The following NUCB2 variants were observed in gnomAD, a reference collection of about 807,000 sequenced individuals.
The protein encoded by NUCB2 is nucleobindin-2.
Under a neutral mutation model 57.9 loss-of-function variants are expected in NUCB2, and 48 were observed. That is an observed-to-expected ratio of 0.83 (90% CI 0.66 to 1.05). The LOEUF (loss-of-function observed/expected upper bound fraction) is 1.05. Among genes scored for constraint, NUCB2 ranks in the 50% least tolerant of loss-of-function variants. The probability of loss-of-function intolerance (pLI) is 0.00; values close to 1 mark genes in which losing one functional copy is unlikely to be tolerated. For synonymous variants in NUCB2, 139 were observed against 152.1 expected, an observed-to-expected ratio of 0.91 and a Z score of 0.64; for missense variants, 442 against 476.2, an observed-to-expected ratio of 0.93 and a Z score of 0.67.
intron 1 of NUCB2, 90 bp from the exon 2 acceptor site, chr11:17,282,699 C>T (rs949246052): frequency 8.5e-5 from 13 of 152,180 alleles, no homozygotes; most frequent in African/African-American, 2.4e-4. Flanking sequence ...CAAATGCATA[C>T]ACTATCATGT....
Position 17,301,732 on chromosome 11 carries a change from T to G in NUCB2, c.253-12T>G. On this transcript the variant is annotated splice_polypyrimidine_tract_variant and intron_variant, in intron 4 of 13. Coordinates refer to ENST00000529010, the MANE Select transcript of NUCB2 (RefSeq NM_005013.4). ...GTAATAGATAAAACTAACTTACTAATTTTGTTAACAGAGTGGGAGGCTAAG... is the reference window on the plus strand; with the variant it reads ...GTAATAGATAAAACTAACTTACTAAGTTTGTTAACAGAGTGGGAGGCTAAG... 1 of 1,600,880 alleles carries G rather than the reference T, an allele frequency of 6.2e-7. No homozygotes were observed. The highest frequency in any genetic ancestry group is 8.6e-7 in the Non-Finnish European group (1 of 1,169,008).
chr11:17,348,004 G>C (rs986096515), intron 2 of NUCB2, among the ~76,000 whole-genome samples: 2 of 152,072 alleles, frequency 1.3e-5, no homozygotes, highest in African/African-American at 4.8e-5. Flanking sequence ...TGAGGGCTTG[G>C]ATTTTTATGT....
intron 6 of NUCB2, among the ~76,000 whole-genome samples, chr11:17,310,529 C>G (rs762494627): frequency 1.3e-5 from 2 of 152,018 alleles, no homozygotes; most frequent in Non-Finnish European, 2.9e-5. Flanking sequence ...CCCAGCTACT[C>G]GAGAGGCCTC....
At chr11:17,282,258 A>ATTTTT (rs71047540) in intron 1 of NUCB2, among the ~76,000 whole-genome samples, 40 of 103,460 alleles carry the variant, frequency 3.9e-4, no homozygotes, top group African/African-American at 1.4e-3. Flanking sequence ...ATATATATAT[A>ATTTTT]TTTTTTTTTT....
At chr11:17,277,425 G>T (rs1167820580) in intron 1 of NUCB2, among the ~76,000 whole-genome samples, 1 of 152,122 alleles carries the variant, frequency 6.6e-6, no homozygotes, top group Non-Finnish European at 1.5e-5. Context: ...AGCAAATATG[G>T]TTATTGTGGT....
In NUCB2 at chr11:17,301,272, CTTTTTTTTTT is replaced by C. The variant is rs397848120; in HGVS notation, c.253-458_253-449del. Among the ~76,000 whole-genome samples the C allele has an allele frequency of 8.9e-4, 65 of 73,274 alleles. 1 individual carries two copies. Among genetic ancestry groups the C allele is most frequent in the Non-Finnish European group, 1.3e-3 (56 of 41,654 alleles). The allele number at this position is 73,274 out of a possible 152,430, so 48.1% of individuals were successfully genotyped here. A position where few individuals can be genotyped will look rare whatever the true frequency, so the allele number is the denominator to read the frequency against. The stretch of plus-strand genomic sequence containing the variant: ...ACAGGCGTGAGCCACCGCGCCTGGC[CTTTTTTTTTT>C]TTTTTTTTTTTTTGAGACAGAGTCT... On this transcript the variant is annotated intron_variant, in intron 4 of 13. Coordinates refer to ENST00000529010, the MANE Select transcript of NUCB2 (RefSeq NM_005013.4).
chr11:17,321,702 T>C (rs1591521382), intron 11 of NUCB2, among the ~76,000 whole-genome samples: 1 of 152,332 alleles, frequency 6.6e-6, no homozygotes, highest in Non-Finnish European at 1.5e-5. Context: ...GTTGTATTAA[T>C]TTACATGCCT....
Position 17,310,913 on chromosome 11 carries a change from A to G in NUCB2, c.572A>G (p.Tyr191Cys). ...ATGAAGGAACATGAAAGGAGAGAAT[A>G]TTTAAAAACATTGAATGAAGAAAAG... ...EMMKEHERRE[Y>C]LKTLNEEKRK... The change falls in exon 7 of 14, where the codon TAT becomes TGT. Residue 191 changes from tyrosine (Y) to cysteine (C), a missense_variant. Transcript: ENST00000529010. The G allele has an allele frequency of 6.3e-7, 1 of 1,591,958 alleles. No individual in the cohort carries two copies. The highest frequency in any genetic ancestry group is 8.5e-7 in the Non-Finnish European group (1 of 1,171,504).
At chr11:17,298,729 C>T (rs1159942972) in intron 4 of NUCB2, among the ~76,000 whole-genome samples, 1 of 150,822 alleles carries the variant, frequency 6.6e-6, no homozygotes, top group African/African-American at 2.4e-5. Flanking sequence ...GACAAGGTCT[C>T]ACTCTGTCAC....
chr11:17,296,199 A>G lies in NUCB2; in HGVS notation c.240A>G (p.Ile80Met). 1 of 1,600,268 alleles carries G rather than the reference A, an allele frequency of 6.2e-7. No homozygotes were observed. Among genetic ancestry groups the G allele is most frequent in the African/African-American group, 1.3e-5 (1 of 74,728 alleles). Residue 80 changes from isoleucine (I) to methionine (M), a missense_variant, in exon 4 of 14, where the codon ATA becomes ATG. Transcript: ENST00000529010. ...HFREKLQKAD[I>M]EEIKSGRLSK... ...GAGAAAAGCTCCAGAAAGCAGACATAGAGGAAATAAAGGTAAATGCAATTC... is the reference window on the plus strand; with the variant it reads ...GAGAAAAGCTCCAGAAAGCAGACATGGAGGAAATAAAGGTAAATGCAATTC...
At chr11:17,336,813 T>TA (rs907239222), downstream of NUCB2, among the ~76,000 whole-genome samples, 2 of 151,434 alleles carry the variant, frequency 1.3e-5, no homozygotes, top group Non-Finnish European at 2.9e-5. Context: ...ATATGTTTTT[T>TA]ATGCCAAGAT....
chr11:17,337,275 T>C (rs778165418), intron 1 of NUCB2: 17 of 152,208 alleles, frequency 1.1e-4, no homozygotes, highest in Admixed American at 1.0e-3. Context: ...GTTAAAAAAA[T>C]CTGTTAACTT....
exon 3 of NUCB2, chr11:17,349,422 C>T (rs1274156222): frequency 6.6e-6 from 1 of 152,354 alleles, no homozygotes; most frequent in South Asian, 2.1e-4. Context: ...TTTGCTGTCC[C>T]TTTGTCCTAG....
At chr11:17,344,681 G>A (rs1262106243) in intron 2 of NUCB2, among the ~76,000 whole-genome samples, 3 of 152,106 alleles carry the variant, frequency 2.0e-5, no homozygotes, top group Admixed American at 2.0e-4. Context: ...GAAGCCTTTT[G>A]TATTACTAAT....
Position 17,310,831 on chromosome 11 carries a change from A to G in NUCB2, c.490A>G (p.Ser164Gly), listed in dbSNP as rs376840477. The change falls in exon 7 of 14, where the codon AGT becomes GGT. Residue 164 changes from serine to glycine, a missense_variant. Physicochemically the swap from Ser to Gly is moderately conservative, Grantham distance 56 (BLOSUM62 0). Transcript: ENST00000529010. ...ATGCATTATTGCATTTCAGGCAACA[A>G]GTGATCTGGAACACTATGACAAGAC... Reference protein sequence around the residue: ...DLDMLIKAATSDLEHYDKTRH... With the variant: ...DLDMLIKAATGDLEHYDKTRH... The G allele has an allele frequency of 7.0e-6, 11 of 1,576,698 alleles. No individual in the cohort carries two copies. Among genetic ancestry groups the G allele is most frequent in the African/African-American group, 5.5e-5 (4 of 72,226 alleles).
chr11:17,343,630 T>C (rs1370013179), intron 2 of NUCB2, among the ~76,000 whole-genome samples: 1 of 152,234 alleles, frequency 6.6e-6, no homozygotes, highest in African/African-American at 2.4e-5. Context: ...TGTGACAACT[T>C]TCTAAATATT....
intron 5 of NUCB2, among the ~76,000 whole-genome samples, chr11:17,306,817 A>G (rs1947720161): frequency 6.6e-6 from 1 of 151,938 alleles, no homozygotes; most frequent in African/African-American, 2.4e-5. Context: ...GAGGCTGAAG[A>G]AGGAGAATCG....
At chr11:17,279,281 A>C (rs770448794) in intron 1 of NUCB2, among the ~76,000 whole-genome samples, 19 of 152,178 alleles carry the variant, frequency 1.2e-4, no homozygotes, top group Non-Finnish European at 2.5e-4. Flanking sequence ...CCAATCAAAA[A>C]TTTTTTTTAC....
intron 5 of NUCB2, among the ~76,000 whole-genome samples, chr11:17,307,625 TG>T: frequency 6.6e-6 from 1 of 152,336 alleles, no homozygotes; most frequent in East Asian, 1.9e-4. Context: ...TTTTATTTTT[TG>T]TTTTTTTACA....
Sources: gnomAD v4.1 joint callset for allele counts (sites outside exome capture counted in the v4.1 genomes callset) on GRCh38, gnomAD v4.1.1 for gene constraint, MANE v1.5 for transcripts, NCBI Gene and HGNC (gene_info 2026-07-23, HGNC 2026-07-21) for gene names.